RIC3: variants seen among roughly 807,000 people sequenced by gnomAD.
The protein encoded by RIC3 is protein RIC-3.
RIC3 carries 28 observed loss-of-function variants against 27.3 expected under a neutral mutation model. That is an observed-to-expected ratio of 1.02 (90% confidence interval 0.76 to 1.41). RIC3 has a LOEUF of 1.41. Ranked by LOEUF, RIC3 falls within the 40% of genes most tolerant of loss-of-function variation. The pLI is 0.00. For synonymous variants in RIC3, 184 were observed against 160.4 expected (o/e 1.15, Z -1.11); for missense variants, 501 against 444.7 (o/e 1.13, Z -1.14).
intron 1 of RIC3, among the ~76,000 whole-genome samples, chr11:8,145,269 A>G (rs1949556691): frequency 6.6e-6 from 1 of 151,980 alleles, no homozygotes. Flanking sequence ...CTGGAAAGCC[A>G]TCAGGATCCA....
chr11:8,120,581 A>G (rs1302336303), intron 5 of RIC3, among the ~76,000 whole-genome samples: 1 of 152,206 alleles, frequency 6.6e-6, no homozygotes, highest in Admixed American at 6.5e-5. Flanking sequence ...AATGTAAATG[A>G]TGAGTTGATG....
rs1234453484 is a variant in RIC3 at position 8,110,806 on chromosome 11, G to C, written c.1002C>G (p.Thr334=). Reference sequence around the variant, plus strand: ...TAAAGTCTTGGGACCACTCTTCTTTGGTGGTTTCCTCTTGCTCAGGGTAGC... The same window carrying C: ...TAAAGTCTTGGGACCACTCTTCTTTCGTGGTTTCCTCTTGCTCAGGGTAGC... ...ADSYPEQEET[T]KEEWSQDFKD... is the part of the protein sequence containing the mutation. Residue 334 remains threonine, a synonymous_variant, in exon 6 of 6, where the codon ACC becomes ACG. Transcript: ENST00000309737. The C allele has an allele frequency of 4.3e-6, 7 of 1,614,044 alleles. No homozygotes were observed. Among genetic ancestry groups the C allele is most frequent in the Admixed American group, 1.7e-5 (1 of 60,000 alleles).
rs554268072 is a variant in RIC3, at chr11:8,112,269, ATTTTCTTTTCTTTTC to A, written c.671-1147_671-1133del. 5.1e-3 allele frequency among the ~76,000 whole-genome samples: 765 copies of A among 148,702 alleles called. 8 individuals are homozygous for A. Among genetic ancestry groups the A allele is most frequent in the African/African-American group, 0.018 (717 of 40,162 alleles). On this transcript the variant is annotated intron_variant, in intron 5 of 5. Transcript: ENST00000309737. The stretch of plus-strand genomic sequence containing the variant: ...TTTTTTTAACCGTATATACACATAT[ATTTTCTTTTCTTTTC>A]TTTTCTTTTCTTTTTTTTTTTTTGA...
At chr11:8,097,325 G>T in the RIC3 span, 2 of 1,614,028 alleles carry the variant, frequency 1.2e-6, no homozygotes, top group Admixed American at 1.7e-5. Flanking sequence ...GCCCCCCAGG[G>T]TATCACCATC....
At chr11:8,123,741 A>T (rs1215369210) in intron 5 of RIC3, among the ~76,000 whole-genome samples, 1 of 151,778 alleles carries the variant, frequency 6.6e-6, no homozygotes, top group East Asian at 2.0e-4. Flanking sequence ...ATCTTCCCAC[A>T]AATAAAACTC....
At chr11:8,148,176 T>C (rs1949902641) in intron 1 of RIC3, among the ~76,000 whole-genome samples, 1 of 152,230 alleles carries the variant, frequency 6.6e-6, no homozygotes, top group Admixed American at 6.5e-5. Context: ...CCTCTCAGTA[T>C]TGACTTTAAA....
the RIC3 span, chr11:8,097,327 A>T: frequency 6.2e-7 from 1 of 1,614,178 alleles, no homozygotes; most frequent in Non-Finnish European, 8.5e-7. Flanking sequence ...CCCCCAGGGT[A>T]TCACCATCAA....
intron 1 of RIC3, among the ~76,000 whole-genome samples, chr11:8,155,002 T>TGAGCCCAGGAGTTCAA (rs1950548868): frequency 6.6e-6 from 1 of 152,100 alleles, no homozygotes. Flanking sequence ...GAAAACTGCT[T>TGAGCCCAGGAGTTCAA]GAGCCCAGGA....
chr11:8,097,553 T>C, the RIC3 span: 5 of 1,393,810 alleles, frequency 3.6e-6, no homozygotes, highest in South Asian at 1.3e-5. Flanking sequence ...TGCCTTCGTG[T>C]CTGGTCTGTG....
chr11:8,163,984 C>G (rs533719114), intron 1 of RIC3, among the ~76,000 whole-genome samples: 2 of 152,296 alleles, frequency 1.3e-5, no homozygotes, highest in South Asian at 4.1e-4. Flanking sequence ...CAGCATGGTA[C>G]TGGCTAAGGA....
intron 4 of RIC3, 114 bp downstream of exon 4, chr11:8,137,264 T>A: frequency 1.2e-6 from 1 of 803,344 alleles, no homozygotes; most frequent in Admixed American, 2.1e-5. Flanking sequence ...CCTCAGATGA[T>A]CCACCCACCT....
intron 4 of RIC3, among the ~76,000 whole-genome samples, chr11:8,128,020 T>A (rs1485018384): frequency 1.3e-5 from 2 of 152,210 alleles, no homozygotes; most frequent in South Asian, 2.1e-4. Context: ...TTCAAAGCCA[T>A]GAACTACTAA....
the RIC3 span, among the ~76,000 whole-genome samples, chr11:8,095,162 T>A: frequency 6.6e-6 from 1 of 152,248 alleles, no homozygotes; most frequent in Non-Finnish European, 1.5e-5. Context: ...TGGCCTTGCC[T>A]ATGGTCTGGA....
the RIC3 span, chr11:8,095,638 G>C: frequency 1.2e-6 from 2 of 1,607,114 alleles, no homozygotes; most frequent in African/African-American, 1.3e-5. Flanking sequence ...CAGCGGGCAG[G>C]ATCTCCGTGC....
intron 1 of RIC3, among the ~76,000 whole-genome samples, chr11:8,147,132 T>G (rs7117740): frequency 0.012 from 1,891 of 152,342 alleles, 37 homozygotes; most frequent in African/African-American, 0.043. Context: ...ATCTGTGACC[T>G]GGAAGCCCCT....
chr11:8,112,286 TTTC>T (rs1211103125), intron 5 of RIC3, among the ~76,000 whole-genome samples: 1 of 138,428 alleles, frequency 7.2e-6, no homozygotes, highest in Non-Finnish European at 1.6e-5. Flanking sequence ...TTTCTTTTCT[TTTC>T]TTTTCTTTTT....
Position 8,110,278 on chromosome 11 carries a change from T to C in RIC3, c.*420A>G. 1 of 318,944 alleles carries C rather than the reference T, an allele frequency of 3.1e-6. No homozygotes were observed. Among genetic ancestry groups the C allele is most frequent in the Non-Finnish European group, 6.1e-6 (1 of 164,782 alleles). 19.8% of individuals were successfully genotyped at this position (318,944 alleles called of 1,614,324 possible). A position where few individuals can be genotyped will look rare whatever the true frequency, so the allele number is the denominator to read the frequency against. On this transcript the variant is annotated 3_prime_UTR_variant, in exon 6 of 6. Transcript: ENST00000309737. The stretch of plus-strand genomic sequence containing the variant: ...TGCTCAAGGCCCAAAGAATAAGGGA[T>C]CTTGGAGTCTGAAATCTTCATTCTT...
In RIC3 at chr11:8,149,764, C is replaced by T. The variant is rs546907340; in HGVS notation, c.125-9571G>A. Among the ~76,000 whole-genome samples, 5 of 152,228 alleles carry T rather than the reference C, an allele frequency of 3.3e-5. No homozygotes were observed. In the East Asian group the frequency reaches 9.6e-4, roughly 29 times the overall value. On this transcript the variant is annotated intron_variant, in intron 1 of 5. Coordinates refer to ENST00000309737, the MANE Select transcript of RIC3 (RefSeq NM_001206671.4). ...TATGACGGGATGGGGGGTTCAAACCCACCTCATTATACCCCTTCCCTCGCA... is the reference window on the plus strand; with the variant it reads ...TATGACGGGATGGGGGGTTCAAACCTACCTCATTATACCCCTTCCCTCGCA...
At chr11:8,163,342 A>G (rs1951370496) in intron 1 of RIC3, among the ~76,000 whole-genome samples, 1 of 152,184 alleles carries the variant, frequency 6.6e-6, no homozygotes, top group African/African-American at 2.4e-5. Flanking sequence ...AACATTACAT[A>G]TGCTAGTAAA....
Sources: allele counts gnomAD v4.1 joint callset (sites outside exome capture counted in the v4.1 genomes callset), GRCh38; gene constraint gnomAD v4.1.1; transcripts MANE v1.5; gene names NCBI Gene and HGNC (gene_info 2026-07-23, HGNC 2026-07-21).